WWOX: variants seen among roughly 807,000 people sequenced by gnomAD.
The protein encoded by WWOX is WW domain-containing oxidoreductase.
WWOX carries 69 observed loss-of-function variants against 46.2 expected under a neutral mutation model. The ratio of observed to expected loss-of-function variants is 1.49; its 90% CI spans 1.23 to 1.82. The LOEUF (loss-of-function observed/expected upper bound fraction) is 1.82. Among genes scored for constraint, WWOX ranks in the 40% most tolerant of loss-of-function variants. WWOX has a pLI of 0.00. For synonymous variants in WWOX, 359 were observed against 202.6 expected (o/e 1.77, Z -6.56); for missense variants, 919 against 542.6 (o/e 1.69, Z -6.89).
chr16:78,435,541 G>C (rs547419189), intron 8 of WWOX, among the ~76,000 whole-genome samples: 1 of 152,226 alleles, frequency 6.6e-6, no homozygotes, highest in Non-Finnish European at 1.5e-5. Context: ...GCTCATGAGA[G>C]GGTTTGGAGA....
Position 78,099,743 on chromosome 16 carries a change from G to C in WWOX, c.-36G>C, listed in dbSNP as rs901115269. On this transcript the variant is annotated 5_prime_UTR_variant, in exon 1 of 9. Coordinates refer to ENST00000566780, the MANE Select transcript of WWOX (RefSeq NM_016373.4). ...TTCCTGAGCGAGTGGACCCGGCAGC[G>C]GGCGATAGGGGGGCCAGGTGCCTCC... 8 of 1,517,378 alleles carry C rather than the reference G, an allele frequency of 5.3e-6. No homozygotes were observed. The highest frequency in any genetic ancestry group is 1.4e-5 in the African/African-American group (1 of 70,736). 94.0% of individuals were successfully genotyped at this position (1,517,378 alleles called of 1,614,324 possible).
At chr16:78,147,688 TTTTTTTTTA>T (rs1478204276) in intron 4 of WWOX, among the ~76,000 whole-genome samples, 69 of 126,240 alleles carry the variant, frequency 5.5e-4, no homozygotes, top group East Asian at 8.2e-4. Context: ...TTTTTTTTTT[TTTTTTTTTA>T]AAAAAAAAAA....
At chr16:79,168,333 ATTTTACAGAAAATCTCTGCT>A (rs1478038865) in intron 8 of WWOX, among the ~76,000 whole-genome samples, 3 of 152,184 alleles carry the variant, frequency 2.0e-5, no homozygotes, top group African/African-American at 4.8e-5. Context: ...TGCCTGTACC[ATTTTACAGAAAATCTCTGCT>A]TTTAATACTT....
chr16:79,201,414 A>G (rs1157719057), intron 8 of WWOX, among the ~76,000 whole-genome samples: 2 of 150,254 alleles, frequency 1.3e-5, no homozygotes, highest in Non-Finnish European at 3.0e-5. Flanking sequence ...GCTTTGCAAG[A>G]GAGTTGGATT....
intron 8 of WWOX, among the ~76,000 whole-genome samples, chr16:78,604,513 G>C (rs1231817089): frequency 6.6e-6 from 1 of 152,012 alleles, no homozygotes; most frequent in Non-Finnish European, 1.5e-5. Flanking sequence ...CCATTCTTTT[G>C]TAAAAATTAG....
At chr16:78,228,813 T>C (rs1325497934) in intron 5 of WWOX, among the ~76,000 whole-genome samples, 6 of 152,222 alleles carry the variant, frequency 3.9e-5, no homozygotes, top group Admixed American at 3.9e-4. Flanking sequence ...TACCACTCTC[T>C]CCTTCCTGGA....
chr16:78,933,558 A>C (rs7203952), intron 8 of WWOX, among the ~76,000 whole-genome samples: 1 of 152,230 alleles, frequency 6.6e-6, no homozygotes, highest in African/African-American at 2.4e-5. Flanking sequence ...CCTTTAAGAC[A>C]TGAATTAGCC....
At chr16:79,201,273 C>T (rs1030851919) in intron 8 of WWOX, among the ~76,000 whole-genome samples, 12 of 152,022 alleles carry the variant, frequency 7.9e-5, no homozygotes, top group Non-Finnish European at 1.2e-4. Flanking sequence ...GATATTGATT[C>T]TCACTTGATA....
At chr16:79,058,079 T>A (rs1320107794) in intron 8 of WWOX, among the ~76,000 whole-genome samples, 1 of 149,774 alleles carries the variant, frequency 6.7e-6, no homozygotes, top group Non-Finnish European at 1.5e-5. Flanking sequence ...TGTGTGAGCT[T>A]AGCCAGAGTA....
At chr16:79,105,429 T>C (rs2049288739) in intron 8 of WWOX, among the ~76,000 whole-genome samples, 1 of 152,112 alleles carries the variant, frequency 6.6e-6, no homozygotes, top group East Asian at 1.9e-4. Context: ...CACCTTCCCT[T>C]ATCCCTGTCC....
At chr16:78,567,212 C>A (rs1251567969) in intron 8 of WWOX, among the ~76,000 whole-genome samples, 1 of 152,158 alleles carries the variant, frequency 6.6e-6, no homozygotes, top group Non-Finnish European at 1.5e-5. Flanking sequence ...TTTCCCAAAG[C>A]TGAGCTGCCT....
At chr16:78,905,512 G>A (rs544800194) in intron 8 of WWOX, among the ~76,000 whole-genome samples, 97 of 152,258 alleles carry the variant, frequency 6.4e-4, no homozygotes, top group African/African-American at 2.3e-3. Flanking sequence ...CTCCTGTGTA[G>A]TGGAGACCAT....
intron 8 of WWOX, among the ~76,000 whole-genome samples, chr16:78,749,545 A>G (rs2049428409): frequency 6.6e-6 from 1 of 152,142 alleles, no homozygotes; most frequent in African/African-American, 2.4e-5. Flanking sequence ...CCCTAGGGCT[A>G]TGCAAAGTAG....
At chr16:79,067,849 G>T (rs541583682) in intron 8 of WWOX, among the ~76,000 whole-genome samples, 1 of 152,298 alleles carries the variant, frequency 6.6e-6, no homozygotes, top group South Asian at 2.1e-4. Context: ...CAAATGAAAA[G>T]TCCTTCCTTC....
intron 5 of WWOX, among the ~76,000 whole-genome samples, chr16:78,186,417 A>G (rs995800855): frequency 3.9e-4 from 59 of 152,202 alleles, no homozygotes; most frequent in South Asian, 2.1e-4. Flanking sequence ...CAGTTGATCA[A>G]TTGATATCCT....
intron 5 of WWOX, among the ~76,000 whole-genome samples, chr16:78,288,406 T>C (rs1473627062): frequency 2.6e-5 from 4 of 152,116 alleles, no homozygotes; most frequent in Non-Finnish European, 5.9e-5. Context: ...TCCTAGTAAT[T>C]TGATCTAGGT....
chr16:78,661,825 C>G (rs1036129326), intron 8 of WWOX, among the ~76,000 whole-genome samples: 5 of 152,158 alleles, frequency 3.3e-5, no homozygotes, highest in African/African-American at 1.2e-4. Flanking sequence ...TCGCCTGAGT[C>G]CAGGAGTTAG....
chr16:78,598,439 TC>T (rs2045541831), intron 8 of WWOX, among the ~76,000 whole-genome samples: 1 of 152,130 alleles, frequency 6.6e-6, no homozygotes, highest in Non-Finnish European at 1.5e-5. Context: ...TCTTCCTCTT[TC>T]CCCCCGCCCT....
intron 5 of WWOX, chr16:78,278,606 A>C: frequency 6.2e-7 from 1 of 1,610,056 alleles, no homozygotes; most frequent in South Asian, 1.1e-5. Flanking sequence ...CTTACAGAAA[A>C]CAAAATACCA....
Sources: gnomAD v4.1 joint callset for allele counts (sites outside exome capture counted in the v4.1 genomes callset) on GRCh38, gnomAD v4.1.1 for gene constraint, MANE v1.5 for transcripts, NCBI Gene and HGNC (gene_info 2026-07-23, HGNC 2026-07-21) for gene names.